The following TBC1D2B variants were observed in gnomAD, a reference collection of about 807,000 sequenced individuals.
TBC1D2B encodes the protein TBC1 domain family member 2B.
A neutral mutation model predicts 100.8 loss-of-function variants in TBC1D2B; 64 were observed. The observed-to-expected ratio is 0.64, with a 90% CI of 0.52 to 0.78. The LOEUF is 0.78. Among genes scored for constraint, TBC1D2B ranks in the 30% least tolerant of loss-of-function variants. The probability of loss-of-function intolerance (pLI) is 0.00; values close to 1 mark genes in which losing one functional copy is unlikely to be tolerated. For missense variants in TBC1D2B, 1,052 were observed against 1,218.4 expected (o/e 0.86, Z 2.03); for synonymous variants, 480 against 479.7 (o/e 1.00, Z -0.01).
intron 1 of TBC1D2B, among the ~76,000 whole-genome samples, chr15:78,069,236 G>A (rs997889725): frequency 6.6e-6 from 1 of 152,176 alleles, no homozygotes; most frequent in Non-Finnish European, 1.5e-5. Context: ...TATGAGCAAA[G>A]CAAGTGCAGC....
At chr15:78,076,173 G>A (rs1325478400) in intron 1 of TBC1D2B, among the ~76,000 whole-genome samples, 2 of 152,166 alleles carry the variant, frequency 1.3e-5, no homozygotes, top group Non-Finnish European at 2.9e-5. Context: ...AACTCCCAAG[G>A]ACAGGGGAGG....
intron 10 of TBC1D2B, among the ~76,000 whole-genome samples, chr15:78,004,296 A>G (rs1300819281): frequency 2.0e-5 from 3 of 152,204 alleles, no homozygotes; most frequent in Non-Finnish European, 4.4e-5. Context: ...CATCCTAACC[A>G]TGGCCAGGCC....
chr15:78,016,437 C>T (rs979112645), intron 8 of TBC1D2B, 109 bp downstream of exon 8: 1 of 1,024,148 alleles, frequency 9.8e-7, no homozygotes, highest in African/African-American at 1.6e-5. Context: ...GTCATGAGCA[C>T]CAAATGAGAC....
At chr15:78,066,910 C>A (rs1191971355) in intron 1 of TBC1D2B, among the ~76,000 whole-genome samples, 1 of 152,218 alleles carries the variant, frequency 6.6e-6, no homozygotes, top group Non-Finnish European at 1.5e-5. Context: ...CCTATCAAGT[C>A]AACCCCCACT....
At chr15:78,049,216 T>C (rs1243982445) in intron 2 of TBC1D2B, among the ~76,000 whole-genome samples, 1 of 152,128 alleles carries the variant, frequency 6.6e-6, no homozygotes, top group African/African-American at 2.4e-5. Flanking sequence ...GGCCAGTCCA[T>C]ATGTCTGGTT....
chr15:78,029,973 A>C, intron 4 of TBC1D2B, 34 bp downstream of exon 4: 1 of 1,571,186 alleles, frequency 6.4e-7, no homozygotes, highest in South Asian at 1.2e-5. Flanking sequence ...ATGGCAGTAC[A>C]GAGAATGACA....
chr15:78,065,318 G>C (rs2073634377), intron 1 of TBC1D2B, among the ~76,000 whole-genome samples: 1 of 152,240 alleles, frequency 6.6e-6, no homozygotes, highest in Non-Finnish European at 1.5e-5. Flanking sequence ...AAGAGCAAAT[G>C]TGAGTTCACT....
At chr15:78,000,340 C>G (rs2071879373) in intron 12 of TBC1D2B, among the ~76,000 whole-genome samples, 1 of 152,250 alleles carries the variant, frequency 6.6e-6, no homozygotes, top group African/African-American at 2.4e-5. Flanking sequence ...CTCCTCCTGG[C>G]AGCGCCTGGG....
intron 4 of TBC1D2B, 60 bp downstream of exon 4, chr15:78,029,947 C>T (rs2072766759): frequency 2.8e-6 from 4 of 1,417,298 alleles, no homozygotes; most frequent in Non-Finnish European, 3.8e-6. Flanking sequence ...GTCTCCACAT[C>T]ACTGGTGGTT....
At chr15:78,043,578 A>C (rs768513191) in intron 3 of TBC1D2B, among the ~76,000 whole-genome samples, 6 of 152,144 alleles carry the variant, frequency 3.9e-5, no homozygotes, top group Non-Finnish European at 8.8e-5. Context: ...GATAAACAAA[A>C]TATGGCACAT....
At chr15:78,018,870 A>G (rs1286180256) in intron 6 of TBC1D2B, among the ~76,000 whole-genome samples, 1 of 152,200 alleles carries the variant, frequency 6.6e-6, no homozygotes, top group East Asian at 1.9e-4. Context: ...TACTAAACCG[A>G]ATCACCTCTG....
In TBC1D2B at chr15:77,998,245, T is replaced by G; in HGVS notation, c.2807A>C (p.Glu936Ala). The G allele has an allele frequency of 6.3e-7, 1 of 1,593,722 alleles. No individual in the cohort carries two copies. Among genetic ancestry groups the G allele is most frequent in the Non-Finnish European group, 8.5e-7 (1 of 1,171,074 alleles). Residue 936 changes from glutamate (E) to alanine (A), a missense_variant, in exon 13 of 13, where the codon GAG (glutamate) becomes GCG (alanine). By Grantham distance (107) the Glu-to-Ala change is moderately radical (BLOSUM62 -1). Coordinates refer to ENST00000300584, the MANE Select transcript of TBC1D2B (RefSeq NM_144572.2). ...ACGCAGGAAGTCCTCACGGATGGCC[T>G]CCAGCTCGGTCAGCTCCAGCCGGAC... ...EKVRLELTEL[E>A]AIREDFLRER...
intron 9 of TBC1D2B, among the ~76,000 whole-genome samples, chr15:78,010,663 G>A (rs2072199766): frequency 1.3e-5 from 2 of 152,052 alleles, no homozygotes; most frequent in Non-Finnish European, 2.9e-5. Flanking sequence ...AGAAGGGGTA[G>A]AGAGTCTGAA....
At chr15:78,046,331 ATCTC>A (rs918406891) in intron 2 of TBC1D2B, among the ~76,000 whole-genome samples, 5 of 152,232 alleles carry the variant, frequency 3.3e-5, no homozygotes, top group African/African-American at 1.2e-4. Context: ...GAATGGCATA[ATCTC>A]TCTGAGAATA....
intron 1 of TBC1D2B, among the ~76,000 whole-genome samples, chr15:78,066,452 C>G (rs915143365): frequency 6.6e-6 from 1 of 152,176 alleles, no homozygotes; most frequent in African/African-American, 2.4e-5. Context: ...CCACAGAGAT[C>G]TGCAGCAGAA....
Position 78,044,961 on chromosome 15 carries a change from C to G in TBC1D2B, c.622G>C (p.Ala208Pro), listed in dbSNP as rs61732053. ...TTAATGGAATTTGGATGCCCTGGGG[C>G]GGGCTGATTTGCAGCTTGTTCTCCC... ...LVGEQAANQP[A>P]PGHPNSINFY... Residue 208 changes from alanine to proline, a missense_variant, in exon 3 of 13, where the codon GCC becomes CCC. Transcript: ENST00000300584. 1 of 1,613,576 alleles carries G rather than the reference C, an allele frequency of 6.2e-7. No homozygotes were observed. Among genetic ancestry groups the G allele is most frequent in the African/African-American group, 1.3e-5 (1 of 75,030 alleles).
intron 1 of TBC1D2B, among the ~76,000 whole-genome samples, chr15:78,070,572 T>A (rs116180132): frequency 1.3e-3 from 194 of 152,320 alleles, no homozygotes; most frequent in African/African-American, 4.5e-3. Context: ...AGAACACAAG[T>A]CAGTGAACTA....
chr15:78,013,062 G>A lies in TBC1D2B; in HGVS notation c.2031C>T (p.Asp677=). 2 of 1,613,994 alleles carry A rather than the reference G, an allele frequency of 1.2e-6. No homozygotes were observed. Among genetic ancestry groups the A allele is most frequent in the Non-Finnish European group, 1.7e-6 (2 of 1,179,890 alleles). The change falls in exon 9 of 13, where the codon GAC becomes GAT. Residue 677 remains aspartate, a synonymous_variant. Coordinates refer to ENST00000300584, the MANE Select transcript of TBC1D2B (RefSeq NM_144572.2). ...HRSKVWKWCV[D]RHTRKFKDNT... is the part of the protein sequence containing the mutation. ...TGTCCTTGAACTTCCTGGTGTGACGGTCCACACACCACTTCCACACCTTGG... is the reference window on the plus strand; with the variant it reads ...TGTCCTTGAACTTCCTGGTGTGACGATCCACACACCACTTCCACACCTTGG...
At chr15:78,063,280 TA>T (rs1210880923) in intron 1 of TBC1D2B, among the ~76,000 whole-genome samples, 2 of 152,228 alleles carry the variant, frequency 1.3e-5, no homozygotes, top group Admixed American at 6.5e-5. Flanking sequence ...CAACTACCTA[TA>T]TTATCATGTT....
Sources: allele counts gnomAD v4.1 joint callset (sites outside exome capture counted in the v4.1 genomes callset), GRCh38; gene constraint gnomAD v4.1.1; transcripts MANE v1.5; gene names NCBI Gene and HGNC (gene_info 2026-07-23, HGNC 2026-07-21).